Variants in EHBP1 observed in about 807,000 individuals in gnomAD.
EHBP1 encodes the protein EH domain-binding protein 1.
Under a neutral mutation model 144.0 loss-of-function variants are expected in EHBP1, and 55 were observed. That is an observed-to-expected ratio of 0.38 (90% CI 0.31 to 0.48). The LOEUF is 0.48. EHBP1 is among the 20% of genes least tolerant of loss of function. EHBP1 has a pLI of 0.98. For missense variants in EHBP1, 1,200 were observed against 1,364.2 expected (o/e 0.88, Z 1.90); for synonymous variants, 469 against 472.7 (o/e 0.99, Z 0.10).
rs371302091 is a variant in EHBP1 at position 62,793,985 on chromosome 2, A to T, written c.312+22593A>T. On this transcript the variant is annotated intron_variant, in intron 5 of 22. Transcript: ENST00000431489. ...ACAAGTCTTAGAATGTCCAGATCAT[A>T]TGTGGCCAGTATTTCTTATCTTTGC... Among the ~76,000 whole-genome samples, 21 of 152,258 alleles carry T rather than the reference A, an allele frequency of 1.4e-4. No individual in the cohort carries two copies. In the East Asian group the frequency reaches 1.5e-3, roughly 11 times the overall value.
chr2:62,682,625 A>G (rs976898344), intron 1 of EHBP1, among the ~76,000 whole-genome samples: 2 of 152,356 alleles, frequency 1.3e-5, no homozygotes, highest in African/African-American at 4.8e-5. Flanking sequence ...AACCAGGATC[A>G]TGTTGACATT....
intron 14 of EHBP1, among the ~76,000 whole-genome samples, chr2:62,960,758 T>A (rs955352168): frequency 6.6e-6 from 1 of 152,188 alleles, no homozygotes; most frequent in Non-Finnish European, 1.5e-5. Flanking sequence ...GAAAAATAAA[T>A]GTTTCTCTGA....
At chr2:62,853,503 G>A (rs1308515082) in intron 7 of EHBP1, among the ~76,000 whole-genome samples, 1 of 152,086 alleles carries the variant, frequency 6.6e-6, no homozygotes, top group Admixed American at 6.5e-5. Flanking sequence ...AGTCTTGAAC[G>A]TCTCAGAGTC....
intron 18 of EHBP1, among the ~76,000 whole-genome samples, chr2:62,995,009 A>T (rs2059573067): frequency 6.6e-6 from 1 of 152,004 alleles, no homozygotes; most frequent in Non-Finnish European, 1.5e-5. Context: ...CTGCTTCCTT[A>T]TGTATTTGTT....
At chr2:62,885,980 G>C (rs1306462845) in intron 10 of EHBP1, among the ~76,000 whole-genome samples, 1 of 152,154 alleles carries the variant, frequency 6.6e-6, no homozygotes, top group Non-Finnish European at 1.5e-5. Context: ...CAAGACTGAG[G>C]GTTTTCACTT....
chr2:62,942,264 C>T (rs1280696529), intron 10 of EHBP1, among the ~76,000 whole-genome samples: 98 of 152,230 alleles, frequency 6.4e-4, no homozygotes, highest in Non-Finnish European at 1.6e-4. Context: ...ATTTTTAAAA[C>T]TAATGATAAT....
chr2:63,014,338 TGCTA>T (rs982333864), intron 19 of EHBP1, among the ~76,000 whole-genome samples: 4 of 152,364 alleles, frequency 2.6e-5, no homozygotes, highest in Admixed American at 6.5e-5. Context: ...GTAGCCTTGA[TGCTA>T]GCTATTTGTG....
At chr2:62,951,710 A>T (rs2057402266) in intron 13 of EHBP1, among the ~76,000 whole-genome samples, 1 of 151,910 alleles carries the variant, frequency 6.6e-6, no homozygotes, top group African/African-American at 2.4e-5. Context: ...TTTTTAGTAG[A>T]GATGGGGTTT....
intron 19 of EHBP1, among the ~76,000 whole-genome samples, chr2:63,034,375 T>A (rs1277495099): frequency 6.6e-6 from 1 of 151,898 alleles, no homozygotes; most frequent in African/African-American, 2.4e-5. Context: ...GAAAAAAAAA[T>A]TTAAAAAGGA....
intron 2 of EHBP1, among the ~76,000 whole-genome samples, chr2:62,729,687 G>A (rs1486655772): frequency 3.4e-5 from 5 of 146,966 alleles, no homozygotes; most frequent in Non-Finnish European, 6.0e-5. Context: ...TTAATGAATA[G>A]CCTTTATGTT....
At chr2:62,949,493 G>A (rs2057265020) in intron 13 of EHBP1, among the ~76,000 whole-genome samples, 1 of 151,972 alleles carries the variant, frequency 6.6e-6, no homozygotes, top group African/African-American at 2.4e-5. Flanking sequence ...CAACACTGAA[G>A]GATATTGTGT....
chr2:62,930,875 C>A (rs1401464615), intron 10 of EHBP1, among the ~76,000 whole-genome samples: 3 of 151,864 alleles, frequency 2.0e-5, no homozygotes, highest in African/African-American at 7.3e-5. Flanking sequence ...AAAAAGCAAC[C>A]CAAAATGGAT....
At chr2:63,023,591 C>T (rs1421912164) in intron 19 of EHBP1, among the ~76,000 whole-genome samples, 1 of 152,196 alleles carries the variant, frequency 6.6e-6, no homozygotes, top group Non-Finnish European at 1.5e-5. Context: ...ACTCTTTACC[C>T]ACCCCAAAGC....
chr2:62,856,723 A>G (rs575976812), intron 7 of EHBP1, among the ~76,000 whole-genome samples: 38 of 152,364 alleles, frequency 2.5e-4, no homozygotes, highest in African/African-American at 8.7e-4. Flanking sequence ...ATGAATTACC[A>G]AAATATGACA....
At chr2:62,696,508 C>CTTTTTTTTTTT (rs869081763) in intron 1 of EHBP1, among the ~76,000 whole-genome samples, 171 of 76,742 alleles carry the variant, frequency 2.2e-3, no homozygotes, top group Non-Finnish European at 2.8e-3. Context: ...TTTTTTTCTT[C>CTTTTTTTTTTT]TTTTTTTTTT....
At chr2:63,009,630 T>C (rs1159152687) in intron 19 of EHBP1, among the ~76,000 whole-genome samples, 1 of 151,438 alleles carries the variant, frequency 6.6e-6, no homozygotes, top group African/African-American at 2.4e-5. Flanking sequence ...GATGGAGTAA[T>C]TGGAGTATAT....
At chr2:63,044,099 A>G (rs181964678) in intron 21 of EHBP1, 1 of 149,550 alleles carries the variant, frequency 6.7e-6, no homozygotes, top group African/African-American at 2.5e-5. Flanking sequence ...ATTGACAGCT[A>G]CAAGCCCTTA....
chr2:62,722,688 T>C (rs1233405678), intron 2 of EHBP1, among the ~76,000 whole-genome samples: 2 of 152,228 alleles, frequency 1.3e-5, no homozygotes, highest in African/African-American at 4.8e-5. Flanking sequence ...GTTTTGACAC[T>C]TGACACTTCT....
chr2:62,802,989 T>G (rs936498293), intron 5 of EHBP1, among the ~76,000 whole-genome samples: 5 of 152,222 alleles, frequency 3.3e-5, no homozygotes, highest in Middle Eastern at 3.2e-3. Context: ...CCTCCCAAAG[T>G]GCTGGGATTA....
Sources: allele counts gnomAD v4.1 joint callset (sites outside exome capture counted in the v4.1 genomes callset), GRCh38; gene constraint gnomAD v4.1.1; transcripts MANE v1.5; gene names NCBI Gene and HGNC (gene_info 2026-07-23, HGNC 2026-07-21).